Variants in DHX38 observed in about 807,000 individuals in gnomAD.
DHX38 encodes the protein pre-mRNA-splicing factor ATP-dependent RNA helicase PRP16.
Under a neutral mutation model 153.1 loss-of-function variants are expected in DHX38, and 100 were observed. The ratio of observed to expected loss-of-function variants is 0.65; its 90% confidence interval spans 0.56 to 0.77. The LOEUF (loss-of-function observed/expected upper bound fraction) is 0.77, where lower values mean the gene tolerates loss of function less well. DHX38 is among the 30% of genes least tolerant of loss of function. The probability of loss-of-function intolerance (pLI) is 0.00; values close to 1 mark genes in which losing one functional copy is unlikely to be tolerated. For missense variants in DHX38, 1,440 were observed against 1,654.0 expected (o/e 0.87, Z 2.24); for synonymous variants, 650 against 631.7 (o/e 1.03, Z -0.43).
intron 1 of DHX38, among the ~76,000 whole-genome samples, chr16:72,095,618 A>T (rs539406928): frequency 6.6e-6 from 1 of 152,282 alleles, no homozygotes; most frequent in South Asian, 2.1e-4. Context: ...TTTTTGTTTG[A>T]TTCTCACAAT....
In DHX38 at chr16:72,096,900, G is replaced by A; in HGVS notation, c.402G>A (p.Gln134=). ...AAGAGTTTTGGGAACGCAGTCGGCA[G>A]AGAGAGCGGGAGCGGCGGGAACATG... ...VSEEFWERSR[Q]RERERREHGV... Residue 134 remains glutamine (Q), a synonymous_variant, in exon 3 of 27, where the codon CAG becomes CAA. Transcript: ENST00000268482. The A allele has an allele frequency of 6.2e-7, 1 of 1,614,148 alleles. No homozygotes were observed. The highest frequency in any genetic ancestry group is 1.1e-5 in the South Asian group (1 of 91,076).
At chr16:72,094,859 G>A (rs2041987302) in intron 1 of DHX38, among the ~76,000 whole-genome samples, 1 of 152,258 alleles carries the variant, frequency 6.6e-6, no homozygotes, top group African/African-American at 2.4e-5. Context: ...TAGAATGGCA[G>A]TCCAGGGTAC....
At chr16:72,109,917 G>A (rs568717415) in intron 25 of DHX38, among the ~76,000 whole-genome samples, 1 of 151,998 alleles carries the variant, frequency 6.6e-6, no homozygotes, top group South Asian at 2.1e-4. Flanking sequence ...AAATACTTGA[G>A]TATGTGTCTC....
chr16:72,109,371 T>C (rs368247869), intron 24 of DHX38, 44 bp from the exon 25 acceptor site: 7 of 1,590,096 alleles, frequency 4.4e-6, no homozygotes, highest in Non-Finnish European at 3.4e-6. Context: ...GGGAGGGACA[T>C]TGGCCCTCCT....
rs2042123350 is a variant in DHX38 at position 72,103,140 on chromosome 16, G to A, written c.1566G>A (p.Lys522=). The change falls in exon 12 of 27, where the codon AAG becomes AAA. Residue 522 remains lysine, a synonymous_variant. Coordinates refer to ENST00000268482, the MANE Select transcript of DHX38 (RefSeq NM_014003.4). ...AAGCCAGCAGTGAATTTGCAAAGAA[G>A]AAGTCCATCCTGGAGCAGAGGCAGT... The part of the protein sequence containing the change: ...KSEASSEFAK[K]KSILEQRQYL... 6.2e-7 allele frequency: 1 copy of A among 1,614,248 alleles called. No homozygotes were observed. The highest frequency in any genetic ancestry group is 2.2e-5 in the East Asian group (1 of 44,888).
intron 9 of DHX38, 99 bp downstream of exon 9, chr16:72,100,696 T>TGGATG: frequency 6.6e-7 from 1 of 1,504,456 alleles, no homozygotes; most frequent in Non-Finnish European, 9.0e-7. Flanking sequence ...TTTGGGAGGC[T>TGGATG]GAGGAGGGTG....
At chr16:72,101,732 T>C (rs539241462) in intron 11 of DHX38, 120 bp downstream of exon 11, 224 of 712,010 alleles carry the variant, frequency 3.1e-4, no homozygotes, top group Non-Finnish European at 4.8e-4. Flanking sequence ...AGGATACCTC[T>C]CTGCATCTTC....
intron 19 of DHX38, 89 bp downstream of exon 19, chr16:72,106,206 T>C: frequency 8.0e-7 from 1 of 1,252,650 alleles, no homozygotes; most frequent in Non-Finnish European, 1.1e-6. Context: ...ATGCTGGCTC[T>C]AGAGCTGGTC....
chr16:72,104,557 C>G lies in DHX38; in HGVS notation c.2082C>G (p.Ala694=), dbSNP rs369238380. ...CGATGGATGCGGAGAAGTTTGCTGC[C>G]TTTTTTGGGAATGTCCCCATCTTCC... is the stretch of plus-strand genomic sequence containing the variant. The part of the protein sequence containing the change: ...SATMDAEKFA[A]FFGNVPIFHI... The change falls in exon 15 of 27, where the codon GCC becomes GCG. Residue 694 remains alanine (A), a synonymous_variant. Coordinates refer to ENST00000268482, the MANE Select transcript of DHX38 (RefSeq NM_014003.4). This position sits in a 1 kb window ranked among gnomAD's most constrained non-coding sequence, Gnocchi z 4.5. The G allele has an allele frequency of 2.8e-4, 456 of 1,613,992 alleles. No individual in the cohort carries two copies. Among genetic ancestry groups the G allele is most frequent in the Non-Finnish European group, 3.8e-4 (447 of 1,180,016 alleles).
intron 21 of DHX38, 149 bp from the exon 22 acceptor site, chr16:72,108,078 A>G: frequency 9.9e-7 from 1 of 1,005,058 alleles, no homozygotes; most frequent in Non-Finnish European, 1.4e-6. Context: ...TTTAAAAATT[A>G]TTTTAATTTT....
Position 72,097,706 on chromosome 16 carries a change from A to G in DHX38, c.541A>G (p.Arg181Gly). The change falls in exon 4 of 27, where the codon AGA becomes GGA. Residue 181 changes from arginine to glycine, a missense_variant. Transcript: ENST00000268482. Reference protein sequence around the residue: ...DERDRSRHSSRSERDGGSERS... With the variant: ...DERDRSRHSSGSERDGGSERS... ...GCGGGATAGAAGTAGGCACAGCAGC[A>G]GATCAGAGCGAGATGGAGGGTCAGA... is the stretch of plus-strand genomic sequence containing the variant. 1 of 1,614,166 alleles carries G rather than the reference A, an allele frequency of 6.2e-7. No individual in the cohort carries two copies. The highest frequency in any genetic ancestry group is 1.1e-5 in the South Asian group (1 of 91,070).
chr16:72,099,439 C>G (rs1037826172), intron 7 of DHX38, among the ~76,000 whole-genome samples, 159 bp downstream of exon 7: 1 of 152,130 alleles, frequency 6.6e-6, no homozygotes, highest in African/African-American at 2.4e-5. Context: ...CACGGTGAAC[C>G]CTGTCACTCA....
rs1490664530 is a variant in DHX38 at position 72,108,753 on chromosome 16, T to C, written c.3256-47T>C. On this transcript the variant is annotated intron_variant, in intron 23 of 26. Coordinates refer to ENST00000268482, the MANE Select transcript of DHX38 (RefSeq NM_014003.4). ...TTAAGGGATGGGGTCGCTGCCCAAA[T>C]GGGTGTTGTTTTCCTGATGTGGCTG... The C allele has an allele frequency of 1.9e-6, 3 of 1,603,528 alleles. No homozygotes were observed. In the South Asian group the frequency reaches 3.3e-5, roughly 18 times the overall value.
chr16:72,098,734 A>C lies in DHX38; in HGVS notation c.706A>C (p.Thr236Pro). The change falls in exon 5 of 27, where the codon ACG becomes CCG. Residue 236 changes from threonine to proline, a missense_variant. Physicochemically the swap from Thr to Pro is conservative, Grantham distance 38. Around this residue, in one of 6 missense-constraint regions of DHX38, gnomAD observed 483 missense variants for 465.1 expected, o/e 1.04. Coordinates refer to ENST00000268482, the MANE Select transcript of DHX38 (RefSeq NM_014003.4). ...CTCACAGTGGGAATCGCCCTCCCCG[A>C]CGCCTTCCTATCGGGATTCTGAGCG... ...RRSQWESPSPTPSYRDSERSH... is the reference protein window; with the variant it reads ...RRSQWESPSPPPSYRDSERSH... 1.2e-6 allele frequency: 2 copies of C among 1,614,078 alleles called. No homozygotes were observed. The highest frequency in any genetic ancestry group is 2.7e-5 in the African/African-American group (2 of 75,004).
Position 72,098,957 on chromosome 16 carries a change from G to A in DHX38, c.795G>A (p.Thr265=), listed in dbSNP as rs144150888. Residue 265 remains threonine, a synonymous_variant, in exon 6 of 27, where the codon ACG becomes ACA. Transcript: ENST00000268482. ...RSVRGKYSDD[T]PLPTPSYKYN... ...TGAGGGGCAAGTACTCGGATGACACGCCTCTGCCAACTCCCTCCTACAAAT... is the reference window on the plus strand; with the variant it reads ...TGAGGGGCAAGTACTCGGATGACACACCTCTGCCAACTCCCTCCTACAAAT... The A allele has an allele frequency of 7.6e-4, 1,232 of 1,614,126 alleles. 8 individuals carry two copies. In the African/African-American group the frequency reaches 0.011, roughly 14 times the overall value.
In DHX38 at chr16:72,096,403, G is replaced by A; in HGVS notation, c.246G>A (p.Trp82Ter). Residue 82 changes from tryptophan to a stop codon, truncating the protein, a stop_gained, in exon 2 of 27, where the codon TGG (tryptophan) becomes TGA (stop). Coordinates refer to ENST00000268482, the MANE Select transcript of DHX38 (RefSeq NM_014003.4). LOFTEE classifies it high-confidence loss of function. ...KKSKVSSYKDWEESKDDQKDA... is the reference protein window; with the variant it reads ...KKSKVSSYKD The stretch of plus-strand genomic sequence containing the variant: ...CCAAAGTCTCCTCCTACAAGGACTG[G>A]GAAGAGAGCAAGGATGACCAGAAGG... 1 of 1,614,124 alleles carries A rather than the reference G, an allele frequency of 6.2e-7. No individual in the cohort carries two copies. Among genetic ancestry groups the A allele is most frequent in the Non-Finnish European group, 8.5e-7 (1 of 1,180,020 alleles).
At chr16:72,105,874 A>G (rs1299503584) in intron 18 of DHX38, 131 bp from the exon 19 acceptor site, 4 of 824,266 alleles carry the variant, frequency 4.9e-6, no homozygotes, top group Non-Finnish European at 7.9e-6. Flanking sequence ...TCAGGTGTTC[A>G]TGAGAACATT....
At chr16:72,097,446 G>C in intron 3 of DHX38, 1 of 509,484 alleles carries the variant, frequency 2.0e-6, no homozygotes. Flanking sequence ...AGTATTTTTT[G>C]AATTCTTGCT....
Position 72,104,461 on chromosome 16 carries a change from G to A in DHX38, c.2011-25G>A. 1 of 1,611,498 alleles carries A rather than the reference G, an allele frequency of 6.2e-7. No homozygotes were observed. The highest frequency in any genetic ancestry group is 8.5e-7 in the Non-Finnish European group (1 of 1,179,760). On this transcript the variant is annotated intron_variant, in intron 14 of 26. Transcript: ENST00000268482. This position sits in a 1 kb window ranked among gnomAD's most constrained non-coding sequence, Gnocchi z 4.5. ...GGAGCCAAGGGTCCCCACCATGGGG[G>A]CCTCCGAGCCGCCTCTTCTCTCAGG...
Sources: allele counts gnomAD v4.1 joint callset (sites outside exome capture counted in the v4.1 genomes callset), GRCh38; gene constraint gnomAD v4.1.1; regional missense constraint gnomAD v4.1.1; non-coding constraint Gnocchi (gnomAD v3.1); transcripts MANE v1.5; gene names NCBI Gene and HGNC (gene_info 2026-07-23, HGNC 2026-07-21).